FRMPD4: variants seen among roughly 807,000 people sequenced by gnomAD.
The protein encoded by FRMPD4 is FERM and PDZ domain containing 4, also known as FERM and PDZ domain-containing protein 4.
Under a neutral mutation model 94.1 loss-of-function variants are expected in FRMPD4, and 22 were observed. The observed-to-expected ratio is 0.23, with a 90% CI of 0.17 to 0.33. The LOEUF is 0.33. FRMPD4 is among the 10% of genes least tolerant of loss of function. The probability of loss-of-function intolerance (pLI) is 1.00; values close to 1 mark genes in which losing one functional copy is unlikely to be tolerated. For missense variants in FRMPD4, 1,111 were observed against 1,339.9 expected (o/e 0.83, Z 2.67); for synonymous variants, 631 against 548.6 (o/e 1.15, Z -2.10).
At chrX:11,862,421 G>C (rs184840393) in intron 1 of FRMPD4, among the ~76,000 whole-genome samples, 5 of 111,486 alleles carry the variant, frequency 4.5e-5, no homozygotes, top group Admixed American at 9.5e-5. Flanking sequence ...ATTAGGCAGA[G>C]ATTGGGGAAA....
At position 12,261,779 on chromosome X, in the gene FRMPD4, A is replaced by G. The variant is rs763580454; in HGVS notation, c.41+122767A>G. 4.5e-5 allele frequency among the ~76,000 whole-genome samples: 5 copies of G among 112,228 alleles called. No homozygotes were observed. The South Asian group carries it at 1.8e-3, about 41-fold the overall frequency. ...ATATGCTGTCATTTATGAGTCGCCT[A>G]TATGCCTAGACATTCCCATTATTTT... is the stretch of plus-strand genomic sequence containing the variant. On this transcript the variant is annotated intron_variant, in intron 1 of 16. Transcript: ENST00000675598.
chrX:12,631,515 G>C (rs2059395951), intron 4 of FRMPD4, among the ~76,000 whole-genome samples: 1 of 111,032 alleles, frequency 9.0e-6, no homozygotes, highest in East Asian at 2.8e-4. Flanking sequence ...ACCTGCATTA[G>C]GTATTTCTCC....
intron 1 of FRMPD4, among the ~76,000 whole-genome samples, chrX:12,496,653 T>C (rs186986665): frequency 1.7e-3 from 188 of 112,269 alleles, no homozygotes; most frequent in African/African-American, 5.9e-3. Flanking sequence ...GGGTGTTTTT[T>C]TTTTCTACTT....
At chrX:11,876,482 G>C (rs1342406715) in intron 2 of FRMPD4, among the ~76,000 whole-genome samples, 1 of 110,828 alleles carries the variant, frequency 9.0e-6, no homozygotes, top group Non-Finnish European at 1.9e-5. Flanking sequence ...TGCTGTCAAA[G>C]ATCAACTAGG....
At chrX:12,052,775 C>T (rs763772659) in intron 3 of FRMPD4, among the ~76,000 whole-genome samples, 20 of 111,676 alleles carry the variant, frequency 1.8e-4, no homozygotes, top group South Asian at 7.6e-4. Context: ...AGTAAGCATT[C>T]TCTCAATTAC....
Position 11,946,098 on chromosome X carries a change from C to T in FRMPD4, c.95+68080C>T, listed in dbSNP as rs985274481. ...CAATCTTTTATCTCAATTCTGAAATCTCCCAAAGCTTTAAAAAGTTTTGGA... is the reference window on the plus strand; with the variant it reads ...CAATCTTTTATCTCAATTCTGAAATTTCCCAAAGCTTTAAAAAGTTTTGGA... On this transcript the variant is annotated intron_variant, in intron 3 of 18. Transcript: ENST00000640291. Among the ~76,000 whole-genome samples the T allele has an allele frequency of 9.8e-5, 11 of 111,902 alleles. No homozygotes were observed. In the Admixed American group the frequency reaches 1.0e-3, roughly 11 times the overall value.
At chrX:12,577,808 T>A (rs912959179) in intron 2 of FRMPD4, among the ~76,000 whole-genome samples, 4 of 112,408 alleles carry the variant, frequency 3.6e-5, no homozygotes, top group Non-Finnish European at 3.8e-5. Context: ...TCTGTCCACT[T>A]TGGAGGCTGC....
intron 2 of FRMPD4, among the ~76,000 whole-genome samples, chrX:12,559,347 T>G (rs750462337): frequency 1.8e-5 from 2 of 111,721 alleles, no homozygotes; most frequent in South Asian, 3.7e-4. Flanking sequence ...TATGTAGAAG[T>G]CTTCATATAA....
chrX:11,900,606 G>T (rs1359774599), intron 3 of FRMPD4, among the ~76,000 whole-genome samples: 1 of 111,242 alleles, frequency 9.0e-6, no homozygotes, highest in Non-Finnish European at 1.9e-5. Flanking sequence ...CCTTCTAGTG[G>T]TCTGTCCCAG....
intron 1 of FRMPD4, among the ~76,000 whole-genome samples, chrX:12,346,995 A>C (rs1238212345): frequency 9.0e-6 from 1 of 111,210 alleles, no homozygotes; most frequent in Non-Finnish European, 1.9e-5. Flanking sequence ...TTGTGCACTT[A>C]ATTGGGGTAG....
At chrX:12,203,109 C>T (rs768953687) in intron 1 of FRMPD4, among the ~76,000 whole-genome samples, 61 of 111,993 alleles carry the variant, frequency 5.4e-4, no homozygotes, top group African/African-American at 1.8e-3. Context: ...GTTCCCCTTT[C>T]TTCCTTAGTG....
intron 1 of FRMPD4, among the ~76,000 whole-genome samples, chrX:12,140,889 C>T (rs1277566374): frequency 9.0e-6 from 1 of 111,545 alleles, no homozygotes; most frequent in Non-Finnish European, 1.9e-5. Context: ...ACTTTCTATC[C>T]TTAATGTGAT....
chrX:12,642,617 C>T, intron 4 of FRMPD4, among the ~76,000 whole-genome samples: 1 of 112,966 alleles, frequency 8.9e-6, no homozygotes, highest in Non-Finnish European at 1.9e-5. Flanking sequence ...GAAATATAGC[C>T]ACCACTGGGC....
At chrX:12,697,415 G>T (rs1450205666) in intron 9 of FRMPD4, among the ~76,000 whole-genome samples, 4 of 112,224 alleles carry the variant, frequency 3.6e-5, no homozygotes, top group African/African-American at 9.7e-5. Context: ...GTCAGTAGTC[G>T]CTGTAGACAG....
chrX:12,521,582 A>G (rs1316180735), intron 2 of FRMPD4, among the ~76,000 whole-genome samples: 1 of 112,722 alleles, frequency 8.9e-6, no homozygotes, highest in Non-Finnish European at 1.9e-5. Flanking sequence ...AAACTCTGTC[A>G]TGTGGCTAAG....
intron 3 of FRMPD4, among the ~76,000 whole-genome samples, chrX:12,108,074 G>A (rs1467977630): frequency 2.7e-5 from 3 of 111,102 alleles, no homozygotes; most frequent in East Asian, 2.8e-4. Context: ...CACAGAGAAC[G>A]CCACAAAGAT....
rs145627278 is a variant in FRMPD4, at chrX:12,707,482, G to T, written c.1301G>T (p.Arg434Leu). 17 of 1,197,992 alleles carry T rather than the reference G, an allele frequency of 1.4e-5. No homozygotes were observed. The highest frequency in any genetic ancestry group is 1.8e-5 in the Non-Finnish European group (16 of 889,416). ...TCTCTTTCTCAGCAGGCAGAAAAGC[G>T]CTCGGAAGTGACTCTCCTGGTTGGG... is the stretch of plus-strand genomic sequence containing the variant. ...FKATLVQAEK[R>L]SEVTLLVGPR... is the part of the protein sequence containing the mutation. Residue 434 changes from arginine (R) to leucine (L), a missense_variant, in exon 13 of 17, where the codon CGC (arginine) becomes CTC (leucine). Physicochemically the swap from Arg to Leu is moderately radical, Grantham distance 102. Transcript: ENST00000675598.
At chrX:12,356,141 C>T (rs1156812666) in intron 1 of FRMPD4, among the ~76,000 whole-genome samples, 1 of 111,544 alleles carries the variant, frequency 9.0e-6, no homozygotes, top group South Asian at 3.8e-4. Context: ...ATTCGGAAAA[C>T]GAAGGGCCTC....
At chrX:11,943,555 C>T (rs1405244352) in intron 3 of FRMPD4, among the ~76,000 whole-genome samples, 1 of 110,080 alleles carries the variant, frequency 9.1e-6, no homozygotes, top group African/African-American at 3.3e-5. Flanking sequence ...GCTGGGCTTG[C>T]TTTTATAACA....
Sources: allele counts gnomAD v4.1 joint callset (sites outside exome capture counted in the v4.1 genomes callset), GRCh38; gene constraint gnomAD v4.1.1; transcripts MANE v1.5; gene names NCBI Gene and HGNC (gene_info 2026-07-23, HGNC 2026-07-21).